Variants in FBXO10 observed in about 807,000 individuals in gnomAD.
FBXO10 encodes F-box protein 10.
FBXO10 carries 39 observed loss-of-function variants against 80.7 expected under a neutral mutation model. The ratio of observed to expected loss-of-function variants is 0.48; its 90% confidence interval spans 0.37 to 0.63. The LOEUF (loss-of-function observed/expected upper bound fraction) is 0.63, where lower values mean the gene tolerates loss of function less well. FBXO10 is among the 30% of genes least tolerant of loss of function. The pLI, the probability that FBXO10 is intolerant of heterozygous loss-of-function variation, is 0.00. For missense variants in FBXO10, 1,025 were observed against 1,269.0 expected, an observed-to-expected ratio of 0.81 and a Z score of 2.92; for synonymous variants, 449 against 489.6, an observed-to-expected ratio of 0.92 and a Z score of 1.09.
At chr9:37,515,604 A>C (rs1288755211) in intron 10 of FBXO10, 1 of 261,182 alleles carries the variant, frequency 3.8e-6, no homozygotes, top group Non-Finnish European at 7.2e-6. Flanking sequence ...GATCTTATTA[A>C]ATGGATTTTA....
At chr9:37,514,814 A>G (rs1215780084) in intron 10 of FBXO10, among the ~76,000 whole-genome samples, 3 of 151,946 alleles carry the variant, frequency 2.0e-5, no homozygotes. Flanking sequence ...AGCCTGGGCA[A>G]CAGAGTGAGA....
intron 1 of FBXO10, among the ~76,000 whole-genome samples, chr9:37,545,175 C>CTTTTTTTTTTT (rs397893928): frequency 1.2e-5 from 1 of 85,632 alleles, no homozygotes; most frequent in Non-Finnish European, 2.1e-5. Context: ...CATTCTCAGG[C>CTTTTTTTTTTT]TTTTTTTTTT....
In FBXO10 at chr9:37,563,955, G is replaced by C. The variant is rs183050232; in HGVS notation, c.-7+12256C>G. Among the ~76,000 whole-genome samples the C allele has an allele frequency of 4.8e-4, 73 of 152,360 alleles. No individual in the cohort carries two copies. The East Asian group carries it at 0.014, about 29-fold the overall frequency. On this transcript the variant is annotated intron_variant, in intron 1 of 10. Coordinates refer to ENST00000432825, the MANE Select transcript of FBXO10 (RefSeq NM_012166.3). ...AGATAATGTGGAAAATGTCTGCAGG[G>C]CATGTCAGAGAACTTCAAGGCAGCC...
intron 1 of FBXO10, among the ~76,000 whole-genome samples, chr9:37,564,198 C>G (rs1822550446): frequency 6.6e-6 from 1 of 152,244 alleles, no homozygotes. Context: ...AGTGTTGAGC[C>G]TGTGGGTGCA....
At position 37,541,396 on chromosome 9, in the gene FBXO10, A is replaced by G; in HGVS notation, c.373T>C (p.Leu125=). Residue 125 remains leucine, a synonymous_variant, in exon 2 of 11, where the codon TTG becomes CTG. Transcript: ENST00000432825. Reference sequence around the variant, plus strand: ...CGGTCATACAGGCTGGCCATGGCCAAGGCACTGCCCAGGCTGTCAAACTCA... The same window carrying G: ...CGGTCATACAGGCTGGCCATGGCCAGGGCACTGCCCAGGCTGTCAAACTCA... ...GREFDSLGSA[L]AMASLYDRIV... is the part of the protein sequence containing the mutation. 1 of 1,614,032 alleles carries G rather than the reference A, an allele frequency of 6.2e-7. No individual in the cohort carries two copies. Among genetic ancestry groups the G allele is most frequent in the Non-Finnish European group, 8.5e-7 (1 of 1,179,892 alleles).
chr9:37,538,001 A>G, intron 2 of FBXO10, 58 bp from the exon 3 acceptor site: 1 of 1,368,960 alleles, frequency 7.3e-7, no homozygotes, highest in Non-Finnish European at 1.0e-6. Context: ...TTTGGACTCT[A>G]GCTGCCCTTT....
In FBXO10 at chr9:37,512,493, C is replaced by T; in HGVS notation, c.*54G>A. 1.3e-6 allele frequency: 2 copies of T among 1,573,348 alleles called. No homozygotes were observed. The highest frequency in any genetic ancestry group is 1.7e-6 in the Non-Finnish European group (2 of 1,155,064). On this transcript the variant is annotated 3_prime_UTR_variant, in exon 11 of 11. Transcript: ENST00000432825. ...GGAGTCTTTTCAGGCAGTATTTCCA[C>T]CTTAGCTCCTCTGAGCACCCATCCA...
rs576933942 is a variant in FBXO10, at chr9:37,573,027, T to G, written c.-7+3184A>C. Among the ~76,000 whole-genome samples, 35 of 152,304 alleles carry G rather than the reference T, an allele frequency of 2.3e-4. No homozygotes were observed. In the South Asian group the frequency reaches 7.1e-3, roughly 31 times the overall value. ...CTCAGGGTGACCTGACGACCCCTCT[T>G]TACATATGGAAAAGTAAGGTGAGTA... On this transcript the variant is annotated intron_variant, in intron 1 of 10. Transcript: ENST00000432825.
At chr9:37,565,208 C>T (rs1822573423) in intron 1 of FBXO10, among the ~76,000 whole-genome samples, 1 of 152,136 alleles carries the variant, frequency 6.6e-6, no homozygotes, top group Non-Finnish European at 1.5e-5. Flanking sequence ...CTGAGGCCTC[C>T]CCAGCCATGT....
chr9:37,521,229 T>C (rs1027733827), intron 8 of FBXO10, among the ~76,000 whole-genome samples: 15 of 152,092 alleles, frequency 9.9e-5, no homozygotes, highest in Non-Finnish European at 1.5e-5. Flanking sequence ...GGCCGCACCG[T>C]CTCAAAAATA....
rs138215999 is a variant in FBXO10 at position 37,558,424 on chromosome 9, C to T, written c.-6-16650G>A. Among the ~76,000 whole-genome samples, 496 of 152,288 alleles carry T rather than the reference C, an allele frequency of 3.3e-3. 6 individuals carry two copies. The highest frequency in any genetic ancestry group is 0.011 in the African/African-American group (467 of 41,546). On this transcript the variant is annotated intron_variant, in intron 1 of 10. Coordinates refer to ENST00000432825, the MANE Select transcript of FBXO10 (RefSeq NM_012166.3). Reference sequence around the variant, plus strand: ...TAGTTTACTTTACTATATAAGTGTTCAACCCAGTCAATGCATTGTGTGCCC... The same window carrying T: ...TAGTTTACTTTACTATATAAGTGTTTAACCCAGTCAATGCATTGTGTGCCC...
intron 1 of FBXO10, among the ~76,000 whole-genome samples, chr9:37,553,325 C>T (rs566791540): frequency 6.6e-6 from 1 of 152,204 alleles, no homozygotes; most frequent in African/African-American, 2.4e-5. Flanking sequence ...AGGCGTGAGC[C>T]ACCGCGCCCG....
At chr9:37,533,169 CT>C (rs375465069) in intron 3 of FBXO10, among the ~76,000 whole-genome samples, 1,095 of 20,592 alleles carry the variant, frequency 0.053, 14 homozygotes, top group African/African-American at 0.11. Context: ...GTACAGTTGT[CT>C]CCCCCATGTC....
At chr9:37,549,686 G>C (rs1456314941) in intron 1 of FBXO10, among the ~76,000 whole-genome samples, 5 of 152,148 alleles carry the variant, frequency 3.3e-5, no homozygotes, top group Non-Finnish European at 7.3e-5. Context: ...CATCTGACCA[G>C]AGTTTCTCAT....
chr9:37,569,508 AAAG>A (rs1822695350), intron 1 of FBXO10, among the ~76,000 whole-genome samples: 1 of 151,752 alleles, frequency 6.6e-6, no homozygotes. Flanking sequence ...CAGTAAGGAT[AAAG>A]AAGATTTGAA....
At chr9:37,542,596 C>CAAAA (rs34458549) in intron 1 of FBXO10, among the ~76,000 whole-genome samples, 8,324 of 125,916 alleles carry the variant, frequency 0.066, 825 homozygotes, top group African/African-American at 0.22. Context: ...ATCTCCATCT[C>CAAAA]AAAAAAAAAA....
At chr9:37,518,533 A>T in intron 8 of FBXO10, 95 bp from the exon 9 acceptor site, 1 of 1,047,478 alleles carries the variant, frequency 9.5e-7, no homozygotes. Context: ...GCACTCCGGG[A>T]GAACGGAGTG....
intron 1 of FBXO10, among the ~76,000 whole-genome samples, chr9:37,574,094 T>C (rs1822830661): frequency 6.6e-6 from 1 of 152,152 alleles, no homozygotes; most frequent in Non-Finnish European, 1.5e-5. Context: ...ACACCATCCC[T>C]CCCATCTCTG....
intron 8 of FBXO10, among the ~76,000 whole-genome samples, chr9:37,519,394 C>A (rs913595728): frequency 1.3e-5 from 2 of 152,168 alleles, no homozygotes; most frequent in Non-Finnish European, 2.9e-5. Context: ...AGCTCCATGG[C>A]TTGTCAGGAA....
Sources: allele counts gnomAD v4.1 joint callset (sites outside exome capture counted in the v4.1 genomes callset), GRCh38; gene constraint gnomAD v4.1.1; transcripts MANE v1.5; gene names NCBI Gene and HGNC (gene_info 2026-07-23, HGNC 2026-07-21).